The following RMDN2 variants were observed in gnomAD, a reference collection of about 807,000 sequenced individuals.
RMDN2 encodes regulator of microtubule dynamics protein 2.
Under a neutral mutation model 52.8 loss-of-function variants are expected in RMDN2, and 61 were observed. The observed-to-expected ratio is 1.16, with a 90% confidence interval of 0.94 to 1.43. The LOEUF is 1.43. RMDN2 is among the 40% of genes most tolerant of loss of function. RMDN2 has a pLI of 0.00. For synonymous variants in RMDN2, 180 were observed against 153.1 expected (o/e 1.18, Z -1.30); for missense variants, 592 against 475.3 (o/e 1.25, Z -2.28).
At chr2:37,965,618 T>C (rs540543689) in intron 2 of RMDN2, among the ~76,000 whole-genome samples, 3 of 152,312 alleles carry the variant, frequency 2.0e-5, no homozygotes, top group South Asian at 2.1e-4. Context: ...CTTTTCTCTT[T>C]AGATGATGTA....
chr2:37,947,452 A>G (rs142017811), intron 2 of RMDN2, among the ~76,000 whole-genome samples: 1,554 of 152,322 alleles, frequency 0.01, 31 homozygotes, highest in African/African-American at 0.035. Flanking sequence ...AATTCATTAA[A>G]AAAGCCATAC....
At chr2:37,946,668 A>G (rs959254510) in intron 2 of RMDN2, among the ~76,000 whole-genome samples, 1 of 152,232 alleles carries the variant, frequency 6.6e-6, no homozygotes, top group Non-Finnish European at 1.5e-5. Flanking sequence ...TGGTTGCCCC[A>G]TTTGAGATTC....
At chr2:37,962,627 T>G (rs1670399357) in intron 2 of RMDN2, among the ~76,000 whole-genome samples, 1 of 152,114 alleles carries the variant, frequency 6.6e-6, no homozygotes, top group African/African-American at 2.4e-5. Context: ...CTTGCTGGGC[T>G]CCATGGGGGT....
intron 2 of RMDN2, among the ~76,000 whole-genome samples, chr2:37,971,438 G>A (rs905135375): frequency 4.6e-5 from 7 of 152,034 alleles, no homozygotes; most frequent in African/African-American, 1.7e-4. Flanking sequence ...GATCCATAAT[G>A]TCTATTTCAT....
At chr2:38,038,577 G>A (rs533865968) in intron 10 of RMDN2, among the ~76,000 whole-genome samples, 41 of 152,284 alleles carry the variant, frequency 2.7e-4, no homozygotes, top group Non-Finnish European at 3.5e-4. Flanking sequence ...TTTAAGGCAT[G>A]GTTTGCACTC....
At chr2:37,944,065 A>G (rs535305856) in intron 2 of RMDN2, among the ~76,000 whole-genome samples, 4 of 152,294 alleles carry the variant, frequency 2.6e-5, no homozygotes, top group South Asian at 2.1e-4. Context: ...GGGGAAAACA[A>G]TTCCATTTAT....
intron 10 of RMDN2, among the ~76,000 whole-genome samples, chr2:38,041,858 A>T (rs1680975711): frequency 1.3e-5 from 2 of 152,106 alleles, no homozygotes; most frequent in African/African-American, 2.4e-5. Flanking sequence ...CAGTTTGCTT[A>T]TATCTTCTTA....
At position 37,941,943 on chromosome 2, in the gene RMDN2, A is replaced by C. The variant is rs1319334097; in HGVS notation, c.452+12214A>C. Among the ~76,000 whole-genome samples, 15 of 5,148 alleles carry C rather than the reference A, an allele frequency of 2.9e-3. No homozygotes were observed. In the East Asian group the frequency reaches 0.12, roughly 40 times the overall value. The allele number at this position is 5,148 out of a possible 152,430, so 3.4% of individuals were successfully genotyped here. ...GTGTTCCAGGTGCCACTGGGGTACC[A>C]AAAAAAAAAAAAAAAATTCCTGCAG... On this transcript the variant is annotated intron_variant, in intron 2 of 10. Transcript: ENST00000354545.
At chr2:37,933,114 C>T (rs183422597) in intron 2 of RMDN2, among the ~76,000 whole-genome samples, 2,429 of 151,926 alleles carry the variant, frequency 0.016, 58 homozygotes, top group African/African-American at 0.055. Flanking sequence ...TGGGCAGAGA[C>T]GCTCCTCACA....
At chr2:37,923,997 G>A (rs1170684705), upstream of RMDN2, among the ~76,000 whole-genome samples, 1 of 152,130 alleles carries the variant, frequency 6.6e-6, no homozygotes, top group African/African-American at 2.4e-5. Flanking sequence ...TGATCCGTCC[G>A]CCTCAGCCTC....
intron 2 of RMDN2, among the ~76,000 whole-genome samples, chr2:37,954,699 C>T (rs1261583353): frequency 6.6e-6 from 1 of 152,030 alleles, no homozygotes; most frequent in African/African-American, 2.4e-5. Context: ...TCTTGGAATT[C>T]CAAATGAATT....
chr2:38,018,541 A>T (rs1679089278), downstream of RMDN2, among the ~76,000 whole-genome samples: 1 of 152,350 alleles, frequency 6.6e-6, no homozygotes, highest in African/African-American at 2.4e-5. Context: ...ACATTTTGAC[A>T]TTAAAAATAA....
chr2:37,980,662 G>C (rs1038914656), intron 4 of RMDN2, among the ~76,000 whole-genome samples: 6 of 152,096 alleles, frequency 3.9e-5, no homozygotes, highest in Non-Finnish European at 7.3e-5. Flanking sequence ...TAATTTGGGG[G>C]AATTATTTAT....
chr2:37,928,308 C>T (rs978459433), intron 1 of RMDN2, among the ~76,000 whole-genome samples: 2 of 152,204 alleles, frequency 1.3e-5, no homozygotes, highest in African/African-American at 4.8e-5. Flanking sequence ...TTCCATAGGG[C>T]ATTTGCGAGC....
At chr2:38,030,303 G>T (rs891619336) in intron 10 of RMDN2, 1 of 152,110 alleles carries the variant, frequency 6.6e-6, no homozygotes, top group Admixed American at 6.5e-5. Context: ...GTTAATCATT[G>T]TATCATTTCT....
At position 38,017,318 on chromosome 2, in the gene RMDN2, T is replaced by G; in HGVS notation, c.*79T>G. ...AATCAAAGTTGTGCTTTTATTATCC[T>G]TCATTTTTGATGTAAGGGTATTGTG... On this transcript the variant is annotated 3_prime_UTR_variant, in exon 11 of 11. Coordinates refer to ENST00000354545, the MANE Select transcript of RMDN2 (RefSeq NM_001170791.3). 2.1e-6 allele frequency: 3 copies of G among 1,454,128 alleles called. No homozygotes were observed. The highest frequency in any genetic ancestry group is 2.7e-6 in the Non-Finnish European group (3 of 1,098,298). 90.1% of individuals were successfully genotyped at this position (1,454,128 alleles called of 1,614,324 possible).
At chr2:37,947,581 G>A (rs1032777264) in intron 2 of RMDN2, among the ~76,000 whole-genome samples, 1 of 152,068 alleles carries the variant, frequency 6.6e-6, no homozygotes, top group South Asian at 2.1e-4. Flanking sequence ...AGTTATCCTG[G>A]TGCTAATTTA....
intron 10 of RMDN2, among the ~76,000 whole-genome samples, chr2:38,059,761 G>T (rs939660231): frequency 1.3e-5 from 2 of 152,178 alleles, no homozygotes; most frequent in Non-Finnish European, 1.5e-5. Flanking sequence ...GCAGAGCCAA[G>T]GGCAGGTCTG....
chr2:37,925,638 T>C (rs1666212955), intron 1 of RMDN2, among the ~76,000 whole-genome samples: 1 of 152,240 alleles, frequency 6.6e-6, no homozygotes, highest in East Asian at 1.9e-4. Context: ...CATCCCTCGC[T>C]GACCCTGCGC....
Sources: allele counts gnomAD v4.1 joint callset (sites outside exome capture counted in the v4.1 genomes callset), GRCh38; gene constraint gnomAD v4.1.1; transcripts MANE v1.5; gene names NCBI Gene and HGNC (gene_info 2026-07-23, HGNC 2026-07-21).